The following FAM222B variants were observed in gnomAD, a reference collection of about 807,000 sequenced individuals.
FAM222B encodes family with sequence similarity 222 member B.
A neutral mutation model predicts 38.0 loss-of-function variants in FAM222B; 12 were observed. The observed-to-expected ratio is 0.32, with a 90% CI of 0.20 to 0.51. FAM222B has a LOEUF of 0.51. Among genes scored for constraint, FAM222B ranks in the 20% least tolerant of loss-of-function variants. The pLI is 0.97. For missense variants in FAM222B, 716 were observed against 754.2 expected, an observed-to-expected ratio of 0.95 and a Z score of 0.59; for synonymous variants, 329 against 317.2, an observed-to-expected ratio of 1.04 and a Z score of -0.40.
intron 1 of FAM222B, among the ~76,000 whole-genome samples, chr17:28,794,287 C>T (rs1293029016): frequency 1.3e-5 from 2 of 151,044 alleles, no homozygotes; most frequent in East Asian, 2.0e-4. Context: ...GGTGCGATCT[C>T]GGCTCACAGC....
Position 28,758,299 on chromosome 17 carries a change from G to T in FAM222B, c.1660C>A (p.Leu554Ile). The change falls in exon 3 of 3, where the codon CTT becomes ATT. Residue 554 changes from leucine (L) to isoleucine (I), a missense_variant. Leu to Ile is a conservative substitution (Grantham distance 5, BLOSUM62 2). Coordinates refer to ENST00000581407, the MANE Select transcript of FAM222B (RefSeq NM_001077498.3). ...RAPDPTESRS[L>I]HIQHPGYR Reference sequence around the variant, plus strand: ...CTATACCCTGGGTGCTGAATATGAAGACTTCGACTCTCTGTGGGATCGGGG... The same window carrying T: ...CTATACCCTGGGTGCTGAATATGAATACTTCGACTCTCTGTGGGATCGGGG... 1 of 1,599,272 alleles carries T rather than the reference G, an allele frequency of 6.3e-7. No individual in the cohort carries two copies. Among genetic ancestry groups the T allele is most frequent in the Non-Finnish European group, 8.5e-7 (1 of 1,173,206 alleles).
At chr17:28,798,536 C>A (rs2037051168) in intron 1 of FAM222B, among the ~76,000 whole-genome samples, 1 of 152,128 alleles carries the variant, frequency 6.6e-6, no homozygotes, top group Non-Finnish European at 1.5e-5. Flanking sequence ...TGCAAGACAG[C>A]AGCACAGCTT....
chr17:28,844,187 C>G (rs1370130899), upstream of FAM222B, among the ~76,000 whole-genome samples: 1 of 152,132 alleles, frequency 6.6e-6, no homozygotes, highest in Non-Finnish European at 1.5e-5. Context: ...TTGAAAGCAG[C>G]AGGCAAGAGG....
intron 1 of FAM222B, among the ~76,000 whole-genome samples, chr17:28,849,906 AC>A (rs2039170063): frequency 6.6e-6 from 1 of 151,760 alleles, no homozygotes; most frequent in Admixed American, 6.6e-5. Flanking sequence ...ACATGGAGAA[AC>A]CCCGTCTCTA....
At position 28,812,003 on chromosome 17, in the gene FAM222B, C is replaced by G. The variant is rs113294175; in HGVS notation, c.-41+30679G>C. On this transcript the variant is annotated intron_variant, in intron 1 of 2. Coordinates refer to ENST00000581407, the MANE Select transcript of FAM222B (RefSeq NM_001077498.3). The stretch of plus-strand genomic sequence containing the variant: ...TACTATGCGACCGATATCGACACAT[C>G]AGTAAAAAGAGATAAGAGTCCTGAA... 3.3e-3 allele frequency among the ~76,000 whole-genome samples: 499 copies of G among 152,186 alleles called. 3 individuals carry two copies. Among genetic ancestry groups the G allele is most frequent in the African/African-American group, 0.011 (476 of 41,526 alleles).
intron 1 of FAM222B, among the ~76,000 whole-genome samples, chr17:28,830,990 CTTTTTTTT>C (rs56073818): frequency 4.4e-4 from 52 of 117,790 alleles, no homozygotes; most frequent in Admixed American, 7.8e-4. Flanking sequence ...GTGAATGTTT[CTTTTTTTT>C]TTTTTTTTTT....
upstream of FAM222B, among the ~76,000 whole-genome samples, chr17:28,847,746 C>T (rs573274556): frequency 6.6e-6 from 1 of 151,742 alleles, no homozygotes. Flanking sequence ...AACCCCGTCT[C>T]TACTAAAAAT....
intron 1 of FAM222B, among the ~76,000 whole-genome samples, chr17:28,822,597 G>A (rs1329778383): frequency 1.3e-5 from 2 of 149,758 alleles, no homozygotes; most frequent in African/African-American, 4.9e-5. Flanking sequence ...TTGCACTCCA[G>A]CCTGGGCAAC....
chr17:28,783,333 A>G (rs1450032931), intron 1 of FAM222B, among the ~76,000 whole-genome samples: 1 of 152,082 alleles, frequency 6.6e-6, no homozygotes, highest in Non-Finnish European at 1.5e-5. Flanking sequence ...GTAAATGTCA[A>G]CTGAAGCTCA....
chr17:28,805,958 A>G (rs1004175955), intron 1 of FAM222B, among the ~76,000 whole-genome samples: 1 of 152,144 alleles, frequency 6.6e-6, no homozygotes, highest in East Asian at 1.9e-4. Context: ...CCTGACCAAC[A>G]TGGAGAAACC....
intron 1 of FAM222B, among the ~76,000 whole-genome samples, chr17:28,814,929 G>A (rs527816603): frequency 1.1e-4 from 16 of 150,464 alleles, no homozygotes; most frequent in South Asian, 4.2e-4. Flanking sequence ...ACGAGCCACC[G>A]TGCCCGGCTA....
At chr17:28,817,137 G>A (rs533714631) in intron 1 of FAM222B, among the ~76,000 whole-genome samples, 1 of 152,202 alleles carries the variant, frequency 6.6e-6, no homozygotes, top group African/African-American at 2.4e-5. Context: ...AATAAGCCCG[G>A]CGCAGTGGCT....
At chr17:28,829,840 T>A (rs1353420567) in intron 1 of FAM222B, among the ~76,000 whole-genome samples, 1 of 151,674 alleles carries the variant, frequency 6.6e-6, no homozygotes, top group African/African-American at 2.4e-5. Context: ...ACTTAGGTCA[T>A]TTTTTTTAAA....
intron 1 of FAM222B, among the ~76,000 whole-genome samples, chr17:28,824,956 G>A (rs2038384272): frequency 6.6e-6 from 1 of 151,996 alleles, no homozygotes; most frequent in Non-Finnish European, 1.5e-5. Context: ...GTAGAGATGG[G>A]GTTTCTCCAT....
chr17:28,854,876 C>T, intron 1 of FAM222B: 1 of 726,838 alleles, frequency 1.4e-6, no homozygotes, highest in Non-Finnish European at 2.2e-6. Context: ...TCCTTAGCCT[C>T]CACCAGTCTC....
chr17:28,797,769 A>G (rs1289196522), intron 1 of FAM222B, among the ~76,000 whole-genome samples: 2 of 152,164 alleles, frequency 1.3e-5, no homozygotes, highest in Non-Finnish European at 2.9e-5. Flanking sequence ...ACATATAAAG[A>G]TACTAGAAAC....
intron 2 of FAM222B, among the ~76,000 whole-genome samples, chr17:28,765,576 T>C (rs2035291806): frequency 6.6e-6 from 1 of 152,226 alleles, no homozygotes; most frequent in Non-Finnish European, 1.5e-5. Flanking sequence ...GGAAGGTCTA[T>C]TCCAAATTTA....
At chr17:28,842,549 C>T (rs980774073) in intron 1 of FAM222B, 133 bp downstream of exon 1, 2 of 152,674 alleles carry the variant, frequency 1.3e-5, no homozygotes, top group Admixed American at 6.6e-5. Flanking sequence ...ATTCTCCCAT[C>T]ATCACCTCAA....
At chr17:28,812,589 G>A (rs529768664) in intron 1 of FAM222B, among the ~76,000 whole-genome samples, 1 of 152,328 alleles carries the variant, frequency 6.6e-6, no homozygotes, top group South Asian at 2.1e-4. Context: ...CCCACAGGGA[G>A]GTCAGCCACC....
Sources: allele counts gnomAD v4.1 joint callset (sites outside exome capture counted in the v4.1 genomes callset), GRCh38; gene constraint gnomAD v4.1.1; transcripts MANE v1.5; gene names NCBI Gene and HGNC (gene_info 2026-07-23, HGNC 2026-07-21).